Variants in MSRA observed in about 807,000 individuals in gnomAD.
MSRA encodes the protein mitochondrial peptide methionine sulfoxide reductase.
Under a neutral mutation model 31.3 loss-of-function variants are expected in MSRA, and 54 were observed. The ratio of observed to expected loss-of-function variants is 1.73; its 90% CI spans 1.39 to 2.17. The LOEUF (loss-of-function observed/expected upper bound fraction) is 2.17, where lower values mean the gene tolerates loss of function less well. MSRA is among the 30% of genes most tolerant of loss of function. The pLI is 0.00. For synonymous variants in MSRA, 169 were observed against 116.5 expected (o/e 1.45, Z -2.90); for missense variants, 507 against 300.9 (o/e 1.69, Z -5.07).
chr8:10,366,996 A>G (rs1805204623), intron 5 of MSRA, among the ~76,000 whole-genome samples: 2 of 152,208 alleles, frequency 1.3e-5, no homozygotes, highest in African/African-American at 4.8e-5. Flanking sequence ...CTGTGGTTTC[A>G]GTTACCTGTG....
At chr8:10,427,902 T>C (rs1416837210) in intron 5 of MSRA, among the ~76,000 whole-genome samples, 1 of 151,922 alleles carries the variant, frequency 6.6e-6, no homozygotes, top group East Asian at 1.9e-4. Context: ...GGGGGTAGAG[T>C]GTAAGTTACT....
chr8:10,322,900 A>T (rs1265436481), intron 5 of MSRA, among the ~76,000 whole-genome samples: 1 of 151,958 alleles, frequency 6.6e-6, no homozygotes, highest in African/African-American at 2.4e-5. Flanking sequence ...GACCAGCCTG[A>T]CTAACATGGT....
chr8:10,196,898 A>G (rs2129055672), intron 1 of MSRA, among the ~76,000 whole-genome samples: 1 of 152,264 alleles, frequency 6.6e-6, no homozygotes, highest in East Asian at 1.9e-4. Context: ...AAACAAGAAT[A>G]ATAAGTATGA....
intron 1 of MSRA, among the ~76,000 whole-genome samples, chr8:10,167,082 CCCCTCTTCTTCTT>C (rs1214279659): frequency 1.3e-5 from 2 of 152,154 alleles, no homozygotes; most frequent in Non-Finnish European, 2.9e-5. Context: ...TTTTCATTCT[CCCCTCTTCTTCTT>C]CCCTCCTCTC....
At chr8:10,066,306 A>G (rs1407745108) in intron 1 of MSRA, among the ~76,000 whole-genome samples, 1 of 152,102 alleles carries the variant, frequency 6.6e-6, no homozygotes, top group Non-Finnish European at 1.5e-5. Context: ...TTTTTGCTCA[A>G]AGTTTGATCT....
intron 3 of MSRA, among the ~76,000 whole-genome samples, chr8:10,257,742 C>G (rs1027269565): frequency 6.6e-6 from 1 of 152,204 alleles, no homozygotes; most frequent in Non-Finnish European, 1.5e-5. Context: ...GGACTAACTG[C>G]TCAAGGCTTT....
rs75872549 is a variant in MSRA, at chr8:10,166,068, G to A, written c.143-41765G>A. Among the ~76,000 whole-genome samples, 825 of 152,220 alleles carry A rather than the reference G, an allele frequency of 5.4e-3. 7 individuals carry two copies. The highest frequency in any genetic ancestry group is 0.019 in the African/African-American group (784 of 41,536). ...GCACAGGATGGACCCTCAAGGCAGCGAATGAAACCCGGGGCTGGTAAGGTC... is the reference window on the plus strand; with the variant it reads ...GCACAGGATGGACCCTCAAGGCAGCAAATGAAACCCGGGGCTGGTAAGGTC... On this transcript the variant is annotated intron_variant, in intron 1 of 5. Coordinates refer to ENST00000317173, the MANE Select transcript of MSRA (RefSeq NM_012331.5).
chr8:10,058,739 C>G (rs1802537581), intron 1 of MSRA, among the ~76,000 whole-genome samples: 1 of 152,236 alleles, frequency 6.6e-6, no homozygotes, highest in Admixed American at 6.5e-5. Flanking sequence ...AGCCTAGTAC[C>G]TTTTACAGTG....
At position 10,419,856 on chromosome 8, in the gene MSRA, G is replaced by A. The variant is rs1049605396; in HGVS notation, c.544-8292G>A. 2.0e-5 allele frequency among the ~76,000 whole-genome samples: 3 copies of A among 152,172 alleles called. No individual in the cohort carries two copies. In the South Asian group the frequency reaches 6.2e-4, roughly 32 times the overall value. On this transcript the variant is annotated intron_variant, in intron 5 of 5. Coordinates refer to ENST00000317173, the MANE Select transcript of MSRA (RefSeq NM_012331.5). ...GCATCATGGCCACTGGGATCAGCTG[G>A]GTTGGGCAGGAGAAAGAATGGCCAA...
Position 10,191,258 on chromosome 8 carries a change from A to G in MSRA, c.143-16575A>G, listed in dbSNP as rs1465155701. 4.6e-5 allele frequency among the ~76,000 whole-genome samples: 7 copies of G among 152,336 alleles called. No homozygotes were observed. In the South Asian group the frequency reaches 1.2e-3, roughly 27 times the overall value. ...CCCCACCATCTTTTTACTTCTGTCT[A>G]GTCAGAGAAAAGAGACCCCAGACTC... On this transcript the variant is annotated intron_variant, in intron 1 of 5. Transcript: ENST00000317173.
chr8:10,403,361 C>T (rs770197846), intron 5 of MSRA, among the ~76,000 whole-genome samples: 11 of 152,118 alleles, frequency 7.2e-5, no homozygotes, highest in East Asian at 1.9e-4. Flanking sequence ...AGGCAGGTGC[C>T]GGGCCTTACC....
At chr8:10,171,201 G>T (rs1183910815) in intron 1 of MSRA, among the ~76,000 whole-genome samples, 1 of 152,198 alleles carries the variant, frequency 6.6e-6, no homozygotes, top group Non-Finnish European at 1.5e-5. Context: ...AGTCTGGTTA[G>T]AATGCTGCTG....
At chr8:10,264,560 A>G (rs544135487) in intron 3 of MSRA, among the ~76,000 whole-genome samples, 43 of 152,316 alleles carry the variant, frequency 2.8e-4, no homozygotes, top group Non-Finnish European at 5.4e-4. Flanking sequence ...AGTGGAGCCC[A>G]GGTGGGTGCA....
intron 1 of MSRA, among the ~76,000 whole-genome samples, chr8:10,112,139 C>A (rs146668857): frequency 9.9e-5 from 15 of 152,232 alleles, no homozygotes; most frequent in African/African-American, 3.6e-4. Context: ...CTTTTATCCA[C>A]AGTCCTGCGC....
intron 1 of MSRA, among the ~76,000 whole-genome samples, chr8:10,134,769 C>T (rs1199450897): frequency 1.3e-5 from 2 of 152,200 alleles, no homozygotes; most frequent in Non-Finnish European, 2.9e-5. Flanking sequence ...GCAACTAGAC[C>T]AAACGCTTGG....
intron 5 of MSRA, among the ~76,000 whole-genome samples, chr8:10,391,554 A>T (rs543118404): frequency 6.6e-6 from 1 of 152,334 alleles, no homozygotes; most frequent in East Asian, 1.9e-4. Flanking sequence ...ACTACTGATG[A>T]ACCCAAGAGG....
intron 2 of MSRA, among the ~76,000 whole-genome samples, chr8:10,235,518 C>G (rs1018268722): frequency 1.3e-5 from 2 of 151,600 alleles, no homozygotes; most frequent in African/African-American, 4.9e-5. Context: ...AAGTAAACTG[C>G]AAAACAAGAT....
chr8:10,088,365 G>T (rs1798677089), intron 1 of MSRA, among the ~76,000 whole-genome samples: 1 of 152,170 alleles, frequency 6.6e-6, no homozygotes, highest in South Asian at 2.1e-4. Flanking sequence ...TCATTACCTT[G>T]TAAAGATGTC....
At position 10,148,743 on chromosome 8, in the gene MSRA, A is replaced by G. The variant is rs1192267218; in HGVS notation, c.143-59090A>G. 6.7e-5 allele frequency among the ~76,000 whole-genome samples: 10 copies of G among 150,298 alleles called. No homozygotes were observed. The Admixed American group carries it at 6.7e-4, about 10-fold the overall frequency. On this transcript the variant is annotated intron_variant, in intron 1 of 5. Coordinates refer to ENST00000317173, the MANE Select transcript of MSRA (RefSeq NM_012331.5). ...CTTGAACCCAGGAGGTCAGGGCTGC[A>G]GTGAGCCAAGATCTCATTACTGCAC... is the stretch of plus-strand genomic sequence containing the variant.
Sources: allele counts gnomAD v4.1 joint callset (sites outside exome capture counted in the v4.1 genomes callset), GRCh38; gene constraint gnomAD v4.1.1; transcripts MANE v1.5; gene names NCBI Gene and HGNC (gene_info 2026-07-23, HGNC 2026-07-21).